Variants in DLG2 observed in about 807,000 individuals in gnomAD.
The protein encoded by DLG2 is discs large MAGUK scaffold protein 2.
A neutral mutation model predicts 132.5 loss-of-function variants in DLG2; 45 were observed. That is an observed-to-expected ratio of 0.34 (90% CI 0.27 to 0.44). DLG2 has a LOEUF of 0.44. Ranked by LOEUF, DLG2 falls within the 20% of genes least tolerant of loss-of-function variation. The pLI, the probability that DLG2 is intolerant of heterozygous loss-of-function variation, is 1.00. For synonymous variants in DLG2, 424 were observed against 419.6 expected (o/e 1.01, Z -0.13); for missense variants, 1,045 against 1,196.9 (o/e 0.87, Z 1.87).
Position 84,930,787 on chromosome 11 carries a change from A to G in DLG2, c.357+180874T>C, listed in dbSNP as rs147202954. On this transcript the variant is annotated intron_variant, in intron 6 of 27. Coordinates refer to ENST00000376104, the MANE Select transcript of DLG2 (RefSeq NM_001142699.3). ...ATGACAATTTATATTCATGTGCAAG[A>G]CTTTCCCATCTAAAAACAAATGCAA... Among the ~76,000 whole-genome samples, 229 of 152,208 alleles carry G rather than the reference A, an allele frequency of 1.5e-3. 1 individual carries two copies. Among genetic ancestry groups the G allele is most frequent in the African/African-American group, 5.3e-3 (220 of 41,534 alleles).
At chr11:84,709,260 T>C (rs1012551026) in intron 6 of DLG2, among the ~76,000 whole-genome samples, 17 of 151,956 alleles carry the variant, frequency 1.1e-4, no homozygotes, top group African/African-American at 3.9e-4. Context: ...AGTTAATATA[T>C]GGTCTGGTTG....
chr11:84,228,105 C>T (rs183293319), intron 8 of DLG2, among the ~76,000 whole-genome samples: 329 of 152,246 alleles, frequency 2.2e-3, no homozygotes, highest in Non-Finnish European at 3.9e-3. Flanking sequence ...CATCTGGTTG[C>T]ATCACTGACA....
At chr11:84,620,093 T>A (rs75464234) in intron 6 of DLG2, among the ~76,000 whole-genome samples, 3 of 151,620 alleles carry the variant, frequency 2.0e-5, no homozygotes. Context: ...AAAGAATTTT[T>A]AATTAATATA....
At chr11:84,653,422 CAA>C (rs1235430156) in intron 6 of DLG2, among the ~76,000 whole-genome samples, 1 of 152,128 alleles carries the variant, frequency 6.6e-6, no homozygotes, top group Non-Finnish European at 1.5e-5. Context: ...AGAGCAAGAC[CAA>C]AGTCTCCTTA....
At chr11:84,255,559 T>C (rs1057139320) in intron 7 of DLG2, among the ~76,000 whole-genome samples, 1 of 152,054 alleles carries the variant, frequency 6.6e-6, no homozygotes, top group Admixed American at 6.6e-5. Context: ...CCTGACCTCA[T>C]GTGATCCACA....
intron 3 of DLG2, among the ~76,000 whole-genome samples, chr11:85,551,685 C>G (rs1565674915): frequency 6.6e-6 from 1 of 151,932 alleles, no homozygotes; most frequent in East Asian, 1.9e-4. Flanking sequence ...ATATCAAGTT[C>G]ACATATAAAT....
intron 6 of DLG2, among the ~76,000 whole-genome samples, chr11:84,703,417 A>T (rs1235983509): frequency 6.6e-6 from 1 of 151,564 alleles, no homozygotes; most frequent in Non-Finnish European, 1.5e-5. Context: ...AATGAAGATG[A>T]TGATTTCTAC....
At chr11:84,879,702 T>C (rs752507450) in intron 6 of DLG2, among the ~76,000 whole-genome samples, 13 of 152,284 alleles carry the variant, frequency 8.5e-5, no homozygotes, top group Non-Finnish European at 1.5e-4. Flanking sequence ...CTGTTGGTGA[T>C]ACCTATGACT....
At chr11:85,585,146 A>G (rs996634700) in intron 3 of DLG2, among the ~76,000 whole-genome samples, 1 of 152,116 alleles carries the variant, frequency 6.6e-6, no homozygotes, top group Admixed American at 6.6e-5. Flanking sequence ...TCTTAGATTG[A>G]AGTCTTTGAT....
chr11:84,349,262 G>A (rs2098552201), intron 7 of DLG2, among the ~76,000 whole-genome samples: 1 of 152,076 alleles, frequency 6.6e-6, no homozygotes, highest in Non-Finnish European at 1.5e-5. Flanking sequence ...ATATTGATGG[G>A]TCAGAAAATA....
At chr11:85,394,456 C>G (rs2087103488) in intron 3 of DLG2, among the ~76,000 whole-genome samples, 1 of 152,212 alleles carries the variant, frequency 6.6e-6, no homozygotes, top group African/African-American at 2.4e-5. Context: ...AGGTGAGTGA[C>G]AGCAAAAGAC....
intron 7 of DLG2, among the ~76,000 whole-genome samples, chr11:84,283,653 T>C (rs142689035): frequency 6.6e-6 from 1 of 152,286 alleles, no homozygotes; most frequent in African/African-American, 2.4e-5. Context: ...CTCCTAGTTT[T>C]CTTCCTCCCT....
At chr11:85,187,145 C>T (rs1025610680) in intron 4 of DLG2, among the ~76,000 whole-genome samples, 3 of 152,016 alleles carry the variant, frequency 2.0e-5, no homozygotes, top group Non-Finnish European at 2.9e-5. Flanking sequence ...AGTGGCAATA[C>T]TGAATATTAC....
intron 3 of DLG2, among the ~76,000 whole-genome samples, chr11:85,557,913 C>G (rs2153223066): frequency 6.6e-6 from 1 of 151,922 alleles, no homozygotes; most frequent in East Asian, 1.9e-4. Context: ...GAATTTATGA[C>G]TAAGTCCTCA....
intron 18 of DLG2, among the ~76,000 whole-genome samples, chr11:83,767,957 T>C (rs1055744320): frequency 6.6e-6 from 1 of 152,186 alleles, no homozygotes; most frequent in Non-Finnish European, 1.5e-5. Flanking sequence ...TGCATTTGAC[T>C]TCTGCTCTGT....
intron 5 of DLG2, among the ~76,000 whole-genome samples, chr11:85,117,342 T>C (rs182819591): frequency 3.3e-4 from 50 of 152,170 alleles, no homozygotes; most frequent in African/African-American, 1.2e-3. Context: ...TATGTAACCC[T>C]AGGCAAGTTG....
At chr11:83,514,314 G>C (rs1483377871) in intron 21 of DLG2, among the ~76,000 whole-genome samples, 4 of 152,094 alleles carry the variant, frequency 2.6e-5, no homozygotes, top group Non-Finnish European at 5.9e-5. Flanking sequence ...GTTCACTCAT[G>C]ATTTGGCTCT....
chr11:84,630,570 T>C (rs1378809371), intron 6 of DLG2, among the ~76,000 whole-genome samples: 1 of 152,196 alleles, frequency 6.6e-6, no homozygotes, highest in African/African-American at 2.4e-5. Flanking sequence ...CATGATCTTA[T>C]CTATTAAATA....
At chr11:84,728,407 T>C (rs1671553648) in intron 6 of DLG2, among the ~76,000 whole-genome samples, 3 of 152,204 alleles carry the variant, frequency 2.0e-5, no homozygotes, top group Non-Finnish European at 4.4e-5. Flanking sequence ...GAAAGGCATA[T>C]GTTGAACCAG....
Sources: allele counts gnomAD v4.1 joint callset (sites outside exome capture counted in the v4.1 genomes callset), GRCh38; gene constraint gnomAD v4.1.1; transcripts MANE v1.5; gene names NCBI Gene and HGNC (gene_info 2026-07-23, HGNC 2026-07-21).